The following RPS6KL1 variants were observed in gnomAD, a reference collection of about 807,000 sequenced individuals.
RPS6KL1 encodes the protein ribosomal protein S6 kinase like 1.
In RPS6KL1, 41 loss-of-function variants were observed where a neutral mutation model predicts 57.0. That is an observed-to-expected ratio of 0.72 (90% CI 0.56 to 0.93). The LOEUF (loss-of-function observed/expected upper bound fraction) is 0.93, where lower values mean the gene tolerates loss of function less well. Ranked by LOEUF, RPS6KL1 falls within the 40% of genes least tolerant of loss-of-function variation. The probability of loss-of-function intolerance (pLI) is 0.00; values close to 1 mark genes in which losing one functional copy is unlikely to be tolerated. For synonymous variants in RPS6KL1, 287 were observed against 309.7 expected (o/e 0.93, Z 0.77); for missense variants, 697 against 727.7 (o/e 0.96, Z 0.49).
chr14:74,911,307 T>G lies in RPS6KL1; in HGVS notation c.605A>C (p.Lys202Thr). 1 of 1,612,594 alleles carries G rather than the reference T, an allele frequency of 6.2e-7. No homozygotes were observed. Among genetic ancestry groups the G allele is most frequent in the Non-Finnish European group, 8.5e-7 (1 of 1,179,970 alleles). The change falls in exon 7 of 12, where the codon AAG (lysine) becomes ACG (threonine). Residue 202 changes from lysine (K) to threonine (T), a missense_variant. By Grantham distance (78) the Lys-to-Thr change is moderately conservative (BLOSUM62 -1). Transcript: ENST00000557413. Reference sequence around the variant, plus strand: ...CTCGCTCACAAAGTACCTGAGCAGCTTCGTCATGTAGGGGACTCCGTGTGG... The same window carrying G: ...CTCGCTCACAAAGTACCTGAGCAGCGTCGTCATGTAGGGGACTCCGTGTGG... ...IIPHGVPYMT[K>T]LLRYFVSEDS...
At chr14:74,921,167 C>T (rs568411619) in intron 3 of RPS6KL1, 110 bp downstream of exon 3, 2 of 951,998 alleles carry the variant, frequency 2.1e-6, no homozygotes, top group African/African-American at 1.6e-5. Context: ...CAGCATAGTG[C>T]CGTGCTCACT....
chr14:74,911,373 G>T lies in RPS6KL1; in HGVS notation c.539C>A (p.Pro180His). 6.2e-7 allele frequency: 1 copy of T among 1,605,768 alleles called. No homozygotes were observed. Residue 180 changes from proline (P) to histidine (H), a missense_variant, in exon 7 of 12, where the codon CCC (proline) becomes CAC (histidine). Pro to His is a moderately conservative substitution (Grantham distance 77). Transcript: ENST00000557413. The stretch of plus-strand genomic sequence containing the variant: ...CTCCCTGCTCACCATGTGGCACCTG[G>T]GTAGGCTCTGGGAGCAGCAGGGCAG... ...TGGTFVVKSL[P>H]RCHMVSRERL...
intron 4 of RPS6KL1, 38 bp downstream of exon 4, chr14:74,919,807 C>T: frequency 2.5e-6 from 4 of 1,604,266 alleles, no homozygotes; most frequent in Non-Finnish European, 3.4e-6. Flanking sequence ...CAGAGCCCTC[C>T]TCCCGCTCAG....
chr14:74,908,872 A>G lies in RPS6KL1; in HGVS notation c.1421T>C (p.Leu474Pro), dbSNP rs1885373279. The part of the protein sequence containing the change: ...ACDWWSFGSL[L>P]YELLTGMALS... ...CACCATTCCCGTCAGCAGTTCATAC[A>G]GTAGAGACCCAAAGCTCCACCAGTC... Residue 474 changes from leucine (L) to proline (P), a missense_variant, in exon 10 of 12, where the codon CTG becomes CCG. Coordinates refer to ENST00000557413, the MANE Select transcript of RPS6KL1 (RefSeq NM_031464.5). 1.2e-6 allele frequency: 2 copies of G among 1,614,004 alleles called. No individual in the cohort carries two copies. The highest frequency in any genetic ancestry group is 2.7e-5 in the African/African-American group (2 of 74,910).
Position 74,905,867 on chromosome 14 carries a change from G to C in RPS6KL1, c.*1147C>G, listed in dbSNP as rs1386286271. 1 of 153,288 alleles carries C rather than the reference G, an allele frequency of 6.5e-6. No individual in the cohort carries two copies. Among genetic ancestry groups the C allele is most frequent in the African/African-American group, 2.4e-5 (1 of 41,472 alleles). 9.5% of individuals were successfully genotyped at this position (153,288 alleles called of 1,614,324 possible). On this transcript the variant is annotated 3_prime_UTR_variant, in exon 12 of 12. Coordinates refer to ENST00000557413, the MANE Select transcript of RPS6KL1 (RefSeq NM_031464.5). ...CGTGTCAGAAGCGCCACCTGGTGGT[G>C]ACTGGGATGCTGGCAGGGAGGAGCT...
Position 74,909,207 on chromosome 14 carries a change from G to A in RPS6KL1, c.1271-17C>T. On this transcript the variant is annotated splice_polypyrimidine_tract_variant and intron_variant, in intron 8 of 11. Transcript: ENST00000557413. The stretch of plus-strand genomic sequence containing the variant: ...GGATGTGACCTCCAGTGTGTGGGAG[G>A]AAAAAGGAGGGGACAGATTGAGGAC... The A allele has an allele frequency of 1.2e-6, 2 of 1,610,906 alleles. No homozygotes were observed. The highest frequency in any genetic ancestry group is 1.7e-5 in the Admixed American group (1 of 60,022).
Position 74,909,132 on chromosome 14 carries a change from C to T in RPS6KL1, c.1329G>A (p.Gly443=), listed in dbSNP as rs746844610. Residue 443 remains glycine, a synonymous_variant, in exon 9 of 12, where the codon GGG becomes GGA. Transcript: ENST00000557413. ...CGCTGTAGAGATTGTCCACGGCCTC[C>T]CCGCAGCACTGGGGCTCCACCTCTG... ...QWSEVEPQCC[G]EAVDNLYSAP... is the part of the protein sequence containing the mutation. 1.9e-5 allele frequency: 30 copies of T among 1,614,084 alleles called. No homozygotes were observed. The highest frequency in any genetic ancestry group is 2.4e-5 in the Non-Finnish European group (28 of 1,180,042).
chr14:74,904,228 T>C lies in RPS6KL1; in HGVS notation c.*2786A>G, dbSNP rs533985977. 1.8e-4 allele frequency: 28 copies of C among 152,330 alleles called. No homozygotes were observed. Among genetic ancestry groups the C allele is most frequent in the African/African-American group, 6.0e-4 (25 of 41,560 alleles). 9.4% of individuals were successfully genotyped at this position (152,330 alleles called of 1,614,324 possible). ...ATTGGCAATTGGTTGAAAGAGTTAT[T>C]ATCTAAAGACCTGGAATCAATAGAA... On this transcript the variant is annotated 3_prime_UTR_variant, in exon 12 of 12. Coordinates refer to ENST00000557413, the MANE Select transcript of RPS6KL1 (RefSeq NM_031464.5).
At position 74,907,536 on chromosome 14, in the gene RPS6KL1, A is replaced by T; in HGVS notation, c.1444-6T>A. On this transcript the variant is annotated splice_region_variant and splice_polypyrimidine_tract_variant and intron_variant, in intron 10 of 11. Coordinates refer to ENST00000557413, the MANE Select transcript of RPS6KL1 (RefSeq NM_031464.5). ...GGGTGGCTCTGGGACAGTGCCTGGGAGGACACAGGGAAGGGCCTCTGAGGA... is the reference window on the plus strand; with the variant it reads ...GGGTGGCTCTGGGACAGTGCCTGGGTGGACACAGGGAAGGGCCTCTGAGGA... The T allele has an allele frequency of 6.4e-7, 1 of 1,566,478 alleles. No individual in the cohort carries two copies. The highest frequency in any genetic ancestry group is 1.2e-5 in the South Asian group (1 of 85,168).
intron 5 of RPS6KL1, among the ~76,000 whole-genome samples, chr14:74,912,926 G>A (rs1334275506): frequency 2.6e-5 from 4 of 152,200 alleles, no homozygotes; most frequent in South Asian, 2.1e-4. Flanking sequence ...GCATAGGAGC[G>A]GGCACATGGG....
At chr14:74,915,807 A>C (rs1886737054) in intron 5 of RPS6KL1, among the ~76,000 whole-genome samples, 1 of 152,226 alleles carries the variant, frequency 6.6e-6, no homozygotes, top group Non-Finnish European at 1.5e-5. Flanking sequence ...AAAAAAACCC[A>C]AAAAACAAAC....
rs1555378989 is a variant in RPS6KL1, at chr14:74,919,827, T to TTGG, written c.390+17_390+18insCCA. ...CCCTCCTCCCGCTCAGGCCTTTGGGTGGGGGGGGTCTCCTCACCGCGCTGG... is the reference window on the plus strand; with the variant it reads ...CCCTCCTCCCGCTCAGGCCTTTGGGTTGGGGGGGGGGTCTCCTCACCGCGCTGG... On this transcript the variant is annotated intron_variant, in intron 4 of 11. Coordinates refer to ENST00000557413, the MANE Select transcript of RPS6KL1 (RefSeq NM_031464.5). The TTGG allele has an allele frequency of 1.3e-6, 2 of 1,586,444 alleles. No homozygotes were observed. Among genetic ancestry groups the TTGG allele is most frequent in the Non-Finnish European group, 1.7e-6 (2 of 1,161,838 alleles).
intron 2 of RPS6KL1, 170 bp downstream of exon 2, chr14:74,921,808 C>T (rs1384206909): frequency 9.1e-6 from 10 of 1,100,984 alleles, no homozygotes; most frequent in Non-Finnish European, 1.0e-5. Flanking sequence ...GTCAGAGTCT[C>T]GCTATGTCAC....
At chr14:74,916,065 GC>G (rs1487571287) in intron 5 of RPS6KL1, among the ~76,000 whole-genome samples, 15 of 152,162 alleles carry the variant, frequency 9.9e-5, no homozygotes, top group African/African-American at 3.6e-4. Context: ...TATCCTAACA[GC>G]CGGACACGTT....
In RPS6KL1 at chr14:74,904,599, T is replaced by G. The variant is rs1884484353; in HGVS notation, c.*2415A>C. ...CTTCCTTGAGCCTGTCAAGCCATAC[T>G]CTAGAATAGAGAATTTGGGGTCACC... On this transcript the variant is annotated 3_prime_UTR_variant, in exon 12 of 12. Transcript: ENST00000557413. 1 of 152,202 alleles carries G rather than the reference T, an allele frequency of 6.6e-6. No individual in the cohort carries two copies. The highest frequency in any genetic ancestry group is 1.5e-5 in the Non-Finnish European group (1 of 68,030). The allele number at this position is 152,202 out of a possible 1,614,324, so 9.4% of individuals were successfully genotyped here. A position where few individuals can be genotyped will look rare whatever the true frequency, so the allele number is the denominator to read the frequency against.
rs1884427094 is a variant in RPS6KL1, at chr14:74,904,094, G to A, written c.*2920C>T. 1.3e-5 allele frequency: 2 copies of A among 152,212 alleles called. No individual in the cohort carries two copies. The highest frequency in any genetic ancestry group is 4.8e-5 in the African/African-American group (2 of 41,448). 9.4% of individuals were successfully genotyped at this position (152,212 alleles called of 1,614,324 possible). ...TTATACATTTAATACATTTTAGGGA[G>A]ACATAAGATACCAGTCAGTACATGT... is the stretch of plus-strand genomic sequence containing the variant. On this transcript the variant is annotated 3_prime_UTR_variant, in exon 12 of 12. Transcript: ENST00000557413.
At position 74,907,066 on chromosome 14, in the gene RPS6KL1, A is replaced by C. The variant is rs994724478; in HGVS notation, c.1598T>G (p.Leu533Arg). 4 of 1,613,838 alleles carry C rather than the reference A, an allele frequency of 2.5e-6. No individual in the cohort carries two copies. In the African/African-American group the frequency reaches 5.3e-5, roughly 22 times the overall value. ...GGTACTGAAAAAGGGATGGGACTTG[A>C]GTTTGCTGACACCACCTTCTCCCAT... is the stretch of plus-strand genomic sequence containing the variant. The part of the protein sequence containing the change: ...LGMGEGGVSK[L>R]KSHPFFSTIQ... The change falls in exon 12 of 12, where the codon CTC becomes CGC. Residue 533 changes from leucine to arginine, a missense_variant. By Grantham distance (102) the Leu-to-Arg change is moderately radical. Transcript: ENST00000557413.
chr14:74,911,275 T>C lies in RPS6KL1; in HGVS notation c.637A>G (p.Ile213Val), dbSNP rs1199378612. The C allele has an allele frequency of 1.4e-5, 23 of 1,612,724 alleles. No individual in the cohort carries two copies. The highest frequency in any genetic ancestry group is 1.6e-4 in the Middle Eastern group (1 of 6,062). The change falls in exon 7 of 12, where the codon ATC becomes GTC. Residue 213 changes from isoleucine (I) to valine (V), a missense_variant. By Grantham distance (29) the Ile-to-Val change is conservative. Coordinates refer to ENST00000557413, the MANE Select transcript of RPS6KL1 (RefSeq NM_031464.5). ...TGCACATGCTCCAGGTGCAGGAAGA[T>C]GGAGTCCTCGCTCACAAAGTACCTG... ...LLRYFVSEDS[I>V]FLHLEHVQGG...
At chr14:74,908,748 C>G in intron 10 of RPS6KL1, 102 bp downstream of exon 10, 3 of 1,023,586 alleles carry the variant, frequency 2.9e-6, no homozygotes, top group Middle Eastern at 2.0e-4. Context: ...GCTGGTAGGA[C>G]AGCCAGGCAG....
Sources: allele counts gnomAD v4.1 joint callset (sites outside exome capture counted in the v4.1 genomes callset), GRCh38; gene constraint gnomAD v4.1.1; transcripts MANE v1.5; gene names NCBI Gene and HGNC (gene_info 2026-07-23, HGNC 2026-07-21).